The following CTU2 variants were observed in gnomAD, a reference collection of about 807,000 sequenced individuals.
The protein encoded by CTU2 is cytoplasmic tRNA 2-thiolation protein 2.
CTU2 carries 80 observed loss-of-function variants against 64.1 expected under a neutral mutation model. That is an observed-to-expected ratio of 1.25 (90% CI 1.04 to 1.50). CTU2 has a LOEUF of 1.50. Among genes scored for constraint, CTU2 ranks in the 40% most tolerant of loss-of-function variants. CTU2 has a pLI of 0.00. For missense variants in CTU2, 1,110 were observed against 690.2 expected, an observed-to-expected ratio of 1.61 and a Z score of -6.81; for synonymous variants, 482 against 285.3, an observed-to-expected ratio of 1.69 and a Z score of -6.95.
At position 88,713,299 on chromosome 16, in the gene CTU2, C is replaced by T. The variant is rs1437942538; in HGVS notation, c.738-13C>T. On this transcript the variant is annotated splice_polypyrimidine_tract_variant and intron_variant, in intron 7 of 14. Coordinates refer to ENST00000453996, the MANE Select transcript of CTU2 (RefSeq NM_001012759.3). ...CTGCACCCCCCAGGCCCCTGAGACG[C>T]TCTGTGCTTTAGGACCCACCTGATC... 2 of 1,575,422 alleles carry T rather than the reference C, an allele frequency of 1.3e-6. No homozygotes were observed. Among genetic ancestry groups the T allele is most frequent in the African/African-American group, 1.4e-5 (1 of 70,670 alleles).
At chr16:88,707,115 T>TC (rs749766205) in intron 1 of CTU2, 21 bp from the exon 2 acceptor site, 20 of 1,611,118 alleles carry the variant, frequency 1.2e-5, no homozygotes, top group Non-Finnish European at 1.6e-5. Flanking sequence ...TTCTCTCTTC[T>TC]CCCCCCTCCC....
At position 88,714,596 on chromosome 16, in the gene CTU2, C is replaced by T. The variant is rs148822873; in HGVS notation, c.1211C>T (p.Thr404Met). Reference sequence around the variant, plus strand: ...CCCTCTCTGCTTGCAGACAGTGCCACGGCTTTTGGGGCTCAGACCTCCTCG... The same window carrying T: ...CCCTCTCTGCTTGCAGACAGTGCCATGGCTTTTGGGGCTCAGACCTCCTCG... ...ALDVDAADSATAFGAQTSSRL... is the reference protein window; with the variant it reads ...ALDVDAADSAMAFGAQTSSRL... The change falls in exon 12 of 15, where the codon ACG becomes ATG. Residue 404 changes from threonine (T) to methionine (M), a missense_variant. Transcript: ENST00000453996. 6.1e-5 allele frequency: 98 copies of T among 1,612,644 alleles called. No homozygotes were observed. The highest frequency in any genetic ancestry group is 3.3e-4 in the African/African-American group (25 of 75,026).
At chr16:88,707,812 G>GTTTT (rs11395253) in intron 2 of CTU2, among the ~76,000 whole-genome samples, 4 of 144,628 alleles carry the variant, frequency 2.8e-5, no homozygotes, top group African/African-American at 5.3e-5. Context: ...TGTTGTTGTT[G>GTTTT]TTTTTTTTGA....
At chr16:88,710,192 G>C (rs201488917) in intron 3 of CTU2, 31 bp from the exon 4 acceptor site, 49 of 1,613,274 alleles carry the variant, frequency 3.0e-5, no homozygotes, top group Non-Finnish European at 3.9e-5. Flanking sequence ...TTGGAGGTGC[G>C]GTGCCCTGAG....
chr16:88,706,945 T>G, intron 1 of CTU2, 191 bp from the exon 2 acceptor site: 2 of 606,968 alleles, frequency 3.3e-6, no homozygotes, highest in Non-Finnish European at 2.9e-6. Flanking sequence ...TTTTCTAGGC[T>G]AAACATCCCC....
Position 88,715,192 on chromosome 16 carries a change from T to C in CTU2, c.1489T>C (p.Leu497=), listed in dbSNP as rs199761665. ...CAGCTTTCTCTCTAGGGCCTGGGGC[T>C]TGCAGGAGATCCGGGACTGTCTGAT... ...AQLRTQRAWG[L]QEIRDCLIED... The change falls in exon 15 of 15, where the codon TTG becomes CTG. Residue 497 remains leucine (L), a synonymous_variant. Coordinates refer to ENST00000453996, the MANE Select transcript of CTU2 (RefSeq NM_001012759.3). 17 of 1,612,378 alleles carry C rather than the reference T, an allele frequency of 1.1e-5. No homozygotes were observed. The African/African-American group carries it at 1.1e-4, about 10-fold the overall frequency.
intron 6 of CTU2, 78 bp from the exon 7 acceptor site, chr16:88,712,544 A>T: frequency 6.5e-7 from 1 of 1,549,450 alleles, no homozygotes; most frequent in South Asian, 1.2e-5. Flanking sequence ...CGTCTCCCGC[A>T]TCCCGGAAGG....
chr16:88,707,079 A>G (rs1195972509), intron 1 of CTU2, 57 bp from the exon 2 acceptor site: 9 of 1,535,234 alleles, frequency 5.9e-6, no homozygotes, highest in Non-Finnish European at 8.1e-6. Flanking sequence ...AAAGCCCACT[A>G]GGCGTGGGGA....
rs1007187007 is a variant in CTU2, at chr16:88,706,582, C to G, written c.52C>G (p.Pro18Ala). The G allele has an allele frequency of 6.9e-7, 1 of 1,454,384 alleles. No individual in the cohort carries two copies. The highest frequency in any genetic ancestry group is 9.0e-7 in the Non-Finnish European group (1 of 1,110,498). 90.1% of individuals were successfully genotyped at this position (1,454,384 alleles called of 1,614,324 possible). Residue 18 changes from proline to alanine, a missense_variant, in exon 1 of 15, where the codon CCG (proline) becomes GCG (alanine). Transcript: ENST00000453996. The part of the protein sequence containing the change: ...YGEPAPEEPP[P>A]APRPSREQKC... ...GGAGCCGGCGCCTGAGGAGCCGCCC[C>G]CGGCGCCGCGGCCCAGGTAAGAGCT...
chr16:88,706,987 A>G, intron 1 of CTU2, 149 bp from the exon 2 acceptor site: 1 of 744,888 alleles, frequency 1.3e-6, no homozygotes, highest in Non-Finnish European at 2.3e-6. Flanking sequence ...AAGTTTGGAC[A>G]GAACACAAGC....
chr16:88,714,966 C>A (rs367744593), intron 13 of CTU2, 40 bp downstream of exon 13: 207 of 1,592,178 alleles, frequency 1.3e-4, no homozygotes, highest in Non-Finnish European at 1.7e-4. Flanking sequence ...GGCTTGGGGA[C>A]GCGGGAAGGC....
chr16:88,707,046 T>C, intron 1 of CTU2, 90 bp from the exon 2 acceptor site: 1 of 1,325,360 alleles, frequency 7.5e-7, no homozygotes, highest in Non-Finnish European at 1.1e-6. Context: ...CAACTCAGGG[T>C]GAGAAACAGG....
intron 7 of CTU2, among the ~76,000 whole-genome samples, 164 bp downstream of exon 7, chr16:88,713,069 A>C (rs1381978785): frequency 2.8e-4 from 3 of 10,712 alleles, no homozygotes; most frequent in Admixed American, 1.6e-3. Flanking sequence ...CCGGGCCCTG[A>C]CCCCCACTCA....
chr16:88,712,570 G>T (rs1011731997), intron 6 of CTU2, 52 bp from the exon 7 acceptor site: 4 of 1,582,812 alleles, frequency 2.5e-6, no homozygotes, highest in South Asian at 2.3e-5. Context: ...CTGTCTGTGG[G>T]GGGCACCTGC....
At chr16:88,712,548 C>A in intron 6 of CTU2, 74 bp from the exon 7 acceptor site, 1 of 1,553,060 alleles carries the variant, frequency 6.4e-7, no homozygotes, top group Non-Finnish European at 8.7e-7. Context: ...TCCCGCATCC[C>A]GGAAGGTGGG....
intron 7 of CTU2, 24 bp downstream of exon 7, chr16:88,712,929 C>T (rs1389688863): frequency 7.8e-7 from 1 of 1,289,098 alleles, no homozygotes; most frequent in African/African-American, 1.6e-5. Flanking sequence ...AGCCCCCCTT[C>T]CCCGGGCCCT....
chr16:88,708,368 C>G (rs984583206), intron 2 of CTU2, among the ~76,000 whole-genome samples: 1 of 152,188 alleles, frequency 6.6e-6, no homozygotes, highest in African/African-American at 2.4e-5. Flanking sequence ...TTGGCCTTCC[C>G]TGACCCACAG....
intron 4 of CTU2, chr16:88,711,010 G>C (rs919063058): frequency 6.5e-6 from 1 of 153,706 alleles, no homozygotes; most frequent in Non-Finnish European, 1.4e-5. Flanking sequence ...TCTCATGAGA[G>C]GTGCAGACCG....
At chr16:88,707,293 A>T (rs1910948032) in intron 2 of CTU2, 83 bp downstream of exon 2, 1 of 1,282,744 alleles carries the variant, frequency 7.8e-7, no homozygotes, top group Admixed American at 1.7e-5. Flanking sequence ...TGCTTTGTTA[A>T]TTCTTTTTAA....
Sources: allele counts gnomAD v4.1 joint callset (sites outside exome capture counted in the v4.1 genomes callset), GRCh38; gene constraint gnomAD v4.1.1; transcripts MANE v1.5; gene names NCBI Gene and HGNC (gene_info 2026-07-23, HGNC 2026-07-21).